CERS3: variants seen among roughly 807,000 people sequenced by gnomAD.
CERS3 encodes ceramide synthase 3.
CERS3 carries 33 observed loss-of-function variants against 50.3 expected under a neutral mutation model. The ratio of observed to expected loss-of-function variants is 0.66; its 90% CI spans 0.50 to 0.88. The LOEUF is 0.88. CERS3 is among the 40% of genes least tolerant of loss of function. The pLI is 0.00. For synonymous variants in CERS3, 176 were observed against 155.2 expected (o/e 1.13, Z -0.99); for missense variants, 470 against 460.3 (o/e 1.02, Z -0.19).
At chr15:100,424,674 A>G (rs1034950709) in intron 11 of CERS3, among the ~76,000 whole-genome samples, 20 of 152,222 alleles carry the variant, frequency 1.3e-4, no homozygotes, top group East Asian at 1.9e-4. Context: ...GCGTTCAAGA[A>G]GTGACCTGGC....
At chr15:100,413,531 ACT>A (rs1410592275) in intron 11 of CERS3, among the ~76,000 whole-genome samples, 2 of 36,812 alleles carry the variant, frequency 5.4e-5, no homozygotes, top group Non-Finnish European at 1.7e-4. Flanking sequence ...ACTATACTAT[ACT>A]ATACTATACT....
chr15:100,402,592 G>C lies in CERS3; in HGVS notation c.*121C>G, dbSNP rs924469984. The C allele has an allele frequency of 7.7e-6, 7 of 912,318 alleles. No individual in the cohort carries two copies. The highest frequency in any genetic ancestry group is 1.2e-5 in the Non-Finnish European group (7 of 606,620). 56.5% of individuals were successfully genotyped at this position (912,318 alleles called of 1,614,324 possible). ...ATTTTGGTAAACACATCTTAGGTGG[G>C]AGGGAAGGCGGTGGTGAGAAAGAGG... On this transcript the variant is annotated 3_prime_UTR_variant, in exon 12 of 12. Transcript: ENST00000679737.
intron 3 of CERS3, among the ~76,000 whole-genome samples, chr15:100,498,727 AATGGAATAAAAGGAATGT>A (rs2035906408): frequency 6.6e-6 from 1 of 152,148 alleles, no homozygotes; most frequent in Non-Finnish European, 1.5e-5. Context: ...TTAATATTTT[AATGGAATAAAAGGAATGT>A]ATCCCTAGGC....
intron 11 of CERS3, among the ~76,000 whole-genome samples, chr15:100,447,604 T>C (rs995976279): frequency 6.6e-6 from 1 of 152,268 alleles, no homozygotes; most frequent in Non-Finnish European, 1.5e-5. Context: ...TGGTAGGTTA[T>C]GATTTTAAGA....
chr15:100,441,055 C>A (rs2033659136), intron 11 of CERS3, among the ~76,000 whole-genome samples: 1 of 152,194 alleles, frequency 6.6e-6, no homozygotes, highest in Non-Finnish European at 1.5e-5. Context: ...GGTCCTTCAC[C>A]CTTAGCGGCA....
intron 11 of CERS3, among the ~76,000 whole-genome samples, chr15:100,408,957 G>T (rs1192643462): frequency 2.0e-5 from 3 of 152,154 alleles, no homozygotes; most frequent in Non-Finnish European, 4.4e-5. Flanking sequence ...ACACCACACA[G>T]CTATGAAAGG....
rs989500798 is a variant in CERS3 at position 100,402,936 on chromosome 15, C to T, written c.1000-71G>A. On this transcript the variant is annotated intron_variant, in intron 11 of 11. Transcript: ENST00000679737. ...GAGTCTTGAGTAAATCTGCCAACAGCCAGTTTCAAGTATGGCTCCCTTTAA... is the reference window on the plus strand; with the variant it reads ...GAGTCTTGAGTAAATCTGCCAACAGTCAGTTTCAAGTATGGCTCCCTTTAA... 1.5e-4 allele frequency: 216 copies of T among 1,475,990 alleles called. 2 individuals carry two copies. The highest frequency in any genetic ancestry group is 1.7e-4 in the Middle Eastern group (1 of 5,740). 91.4% of individuals were successfully genotyped at this position (1,475,990 alleles called of 1,614,324 possible). A position where few individuals can be genotyped will look rare whatever the true frequency, so the allele number is the denominator to read the frequency against.
At chr15:100,415,673 A>C (rs182390225) in intron 11 of CERS3, among the ~76,000 whole-genome samples, 1 of 152,206 alleles carries the variant, frequency 6.6e-6, no homozygotes, top group South Asian at 2.1e-4. Context: ...CATCATCCTC[A>C]GCAAACTAAC....
At chr15:100,452,939 T>A (rs577757151) in intron 11 of CERS3, among the ~76,000 whole-genome samples, 109 of 152,166 alleles carry the variant, frequency 7.2e-4, no homozygotes, top group African/African-American at 2.5e-3. Flanking sequence ...GTCCCAAGGC[T>A]GATTGAGGAA....
At chr15:100,514,503 A>G (rs2036437982) in intron 2 of CERS3, among the ~76,000 whole-genome samples, 2 of 152,214 alleles carry the variant, frequency 1.3e-5, no homozygotes, top group Admixed American at 1.3e-4. Context: ...CATAAAACAT[A>G]AAACTGGACA....
chr15:100,493,644 T>G (rs2035716562), intron 3 of CERS3, among the ~76,000 whole-genome samples: 1 of 152,182 alleles, frequency 6.6e-6, no homozygotes, highest in Admixed American at 6.5e-5. Context: ...TCTTCTCTCC[T>G]TCTGGAATTC....
intron 1 of CERS3, among the ~76,000 whole-genome samples, chr15:100,536,133 AGTGGGG>A (rs1454741255): frequency 9.1e-6 from 1 of 110,112 alleles, no homozygotes; most frequent in African/African-American, 3.4e-5. Context: ...GTGCACGGGA[AGTGGGG>A]ATATCCCTGT....
intron 5 of CERS3, 55 bp from the exon 6 acceptor site, chr15:100,480,101 G>C: frequency 7.4e-7 from 1 of 1,347,502 alleles, no homozygotes; most frequent in East Asian, 2.3e-5. Context: ...GAGATTTGAG[G>C]AGAAAATGAT....
intron 3 of CERS3, among the ~76,000 whole-genome samples, chr15:100,498,900 T>C (rs1222271099): frequency 1.3e-5 from 2 of 152,234 alleles, no homozygotes; most frequent in East Asian, 1.9e-4. Context: ...TTTTTTGTTT[T>C]TATGTGTGAA....
At chr15:100,434,293 C>T (rs944705611) in intron 11 of CERS3, among the ~76,000 whole-genome samples, 3 of 152,216 alleles carry the variant, frequency 2.0e-5, no homozygotes, top group East Asian at 1.9e-4. Flanking sequence ...GACTGCTTTG[C>T]TCAGGACTTC....
intron 8 of CERS3, among the ~76,000 whole-genome samples, 182 bp from the exon 9 acceptor site, chr15:100,473,234 T>C (rs1425072548): frequency 6.6e-6 from 1 of 152,232 alleles, no homozygotes; most frequent in African/African-American, 2.4e-5. Flanking sequence ...TTATTCTTGT[T>C]GATGAAATCA....
At chr15:100,543,039 G>A (rs989476083) in intron 1 of CERS3, among the ~76,000 whole-genome samples, 2 of 151,628 alleles carry the variant, frequency 1.3e-5, no homozygotes, top group African/African-American at 4.8e-5. Flanking sequence ...TCAGCCTCCT[G>A]AGTAGCTGGG....
intron 8 of CERS3, 27 bp from the exon 9 acceptor site, chr15:100,473,079 A>G: frequency 6.3e-7 from 1 of 1,596,948 alleles, no homozygotes; most frequent in Non-Finnish European, 8.5e-7. Flanking sequence ...AATGGAAGCC[A>G]TTAAGGAAAT....
At chr15:100,486,090 T>G (rs1303432543) in intron 4 of CERS3, among the ~76,000 whole-genome samples, 1 of 152,302 alleles carries the variant, frequency 6.6e-6, no homozygotes, top group South Asian at 2.1e-4. Context: ...ACCCAGGATT[T>G]TGATGAGAAA....
Sources: gnomAD v4.1 joint callset for allele counts (sites outside exome capture counted in the v4.1 genomes callset) on GRCh38, gnomAD v4.1.1 for gene constraint, MANE v1.5 for transcripts, NCBI Gene and HGNC (gene_info 2026-07-23, HGNC 2026-07-21) for gene names.